Variants in NIBAN1 observed in about 807,000 individuals in gnomAD.
The protein encoded by NIBAN1 is niban apoptosis regulator 1.
In NIBAN1, 81 loss-of-function variants were observed where a neutral mutation model predicts 75.1. The ratio of observed to expected loss-of-function variants is 1.08; its 90% CI spans 0.90 to 1.30. The LOEUF is 1.30. Ranked by LOEUF, NIBAN1 falls within the 50% of genes most tolerant of loss-of-function variation. The pLI is 0.00. For synonymous variants in NIBAN1, 436 were observed against 424.8 expected (o/e 1.03, Z -0.32); for missense variants, 1,133 against 1,128.1 (o/e 1.00, Z -0.06).
chr1:184,862,207 C>A (rs530244003), intron 5 of NIBAN1, among the ~76,000 whole-genome samples: 1 of 152,318 alleles, frequency 6.6e-6, no homozygotes, highest in South Asian at 2.1e-4. Flanking sequence ...CGGTTAACAG[C>A]AGCCACTGTC....
At chr1:184,822,348 T>C (rs1311610008) in intron 8 of NIBAN1, among the ~76,000 whole-genome samples, 3 of 152,240 alleles carry the variant, frequency 2.0e-5, no homozygotes, top group African/African-American at 4.8e-5. Flanking sequence ...AACTGTTTTC[T>C]GTAAAGGACC....
Position 184,791,907 on chromosome 1 carries a change from AG to A in NIBAN1, c.*3069del, listed in dbSNP as rs1653706318. The A allele has an allele frequency of 1.3e-5, 2 of 152,284 alleles. No homozygotes were observed. Among genetic ancestry groups the A allele is most frequent in the African/African-American group, 4.8e-5 (2 of 41,564 alleles). The allele number at this position is 152,284 out of a possible 1,614,324, so 9.4% of individuals were successfully genotyped here. Reference sequence around the variant, plus strand: ...AGACAGAGTATTTTAAATGCACTCTAGTTTCCTGTTCCATCTTCAAATTAAA... The same window carrying A: ...AGACAGAGTATTTTAAATGCACTCTATTTCCTGTTCCATCTTCAAATTAAA... On this transcript the variant is annotated 3_prime_UTR_variant, in exon 14 of 14. Coordinates refer to ENST00000367511, the MANE Select transcript of NIBAN1 (RefSeq NM_052966.4).
intron 1 of NIBAN1, among the ~76,000 whole-genome samples, chr1:184,946,199 A>G (rs953576171): frequency 7.2e-5 from 11 of 152,248 alleles, no homozygotes; most frequent in African/African-American, 2.7e-4. Context: ...TTGCTGGAAT[A>G]ACAAAGTGAA....
intron 2 of NIBAN1, among the ~76,000 whole-genome samples, chr1:184,895,156 C>T (rs991354619): frequency 6.6e-6 from 1 of 152,004 alleles, no homozygotes; most frequent in Non-Finnish European, 1.5e-5. Flanking sequence ...TTCCAAATTC[C>T]AGTGCTTAAT....
Position 184,884,663 on chromosome 1 carries a change from G to T in NIBAN1, c.571C>A (p.Leu191Met), listed in dbSNP as rs1250145619. The change falls in exon 5 of 14, where the codon CTG becomes ATG. Residue 191 changes from leucine (L) to methionine (M), a missense_variant. Leu to Met is a conservative substitution (Grantham distance 15, BLOSUM62 2). Coordinates refer to ENST00000367511, the MANE Select transcript of NIBAN1 (RefSeq NM_052966.4). ...AADQKRFSAL[L>M]SDCVRHLNHD... ...TTGAGATGCCTGACGCAGTCACTCA[G>T]GAGGGCACTAAACCTCTTCTGGTCA... 4.3e-6 allele frequency: 7 copies of T among 1,614,166 alleles called. No individual in the cohort carries two copies. Among genetic ancestry groups the T allele is most frequent in the Non-Finnish European group, 3.4e-6 (4 of 1,179,998 alleles).
chr1:184,832,928 A>G (rs603160), intron 5 of NIBAN1, among the ~76,000 whole-genome samples: 15,780 of 152,118 alleles, frequency 0.1, 1,034 homozygotes, highest in African/African-American at 0.19. Flanking sequence ...AGAAATCTTC[A>G]TGAGGAAATG....
Position 184,899,042 on chromosome 1 carries a change from G to A in NIBAN1, c.186+137C>T, listed in dbSNP as rs1656877120. 4 of 958,162 alleles carry A rather than the reference G, an allele frequency of 4.2e-6. No homozygotes were observed. In the East Asian group the frequency reaches 7.5e-5, roughly 18 times the overall value. 59.4% of individuals were successfully genotyped at this position (958,162 alleles called of 1,614,324 possible). A position where few individuals can be genotyped will look rare whatever the true frequency, so the allele number is the denominator to read the frequency against. ...ACATTCTAACTTCCAGGCAAATAGA[G>A]TTTTTTGAGCATGAAACGACTTCAG... On this transcript the variant is annotated intron_variant, in intron 2 of 13. Transcript: ENST00000367511.
chr1:184,821,293 C>T (rs1395845683), intron 8 of NIBAN1: 1 of 152,102 alleles, frequency 6.6e-6, no homozygotes, highest in Non-Finnish European at 1.5e-5. Flanking sequence ...ATTTAATACT[C>T]CCCAGGTTTT....
At chr1:184,830,885 A>G (rs1016157333) in intron 6 of NIBAN1, among the ~76,000 whole-genome samples, 1 of 151,966 alleles carries the variant, frequency 6.6e-6, no homozygotes, top group Non-Finnish European at 1.5e-5. Context: ...CTGTAGTCCC[A>G]GCTACTCGGG....
intron 1 of NIBAN1, among the ~76,000 whole-genome samples, chr1:184,913,762 A>G (rs1463204159): frequency 6.6e-6 from 1 of 152,224 alleles, no homozygotes; most frequent in Non-Finnish European, 1.5e-5. Context: ...GACTGCCTAG[A>G]CATAAGAGCA....
At chr1:184,916,102 A>C (rs1360195770) in intron 1 of NIBAN1, among the ~76,000 whole-genome samples, 1 of 152,242 alleles carries the variant, frequency 6.6e-6, no homozygotes, top group Non-Finnish European at 1.5e-5. Flanking sequence ...AAGTTCTCCA[A>C]ATAAAAGATA....
Position 184,794,563 on chromosome 1 carries a change from A to G in NIBAN1, c.*414T>C, listed in dbSNP as rs1256024483. ...TAGGCATAGTAGATAGTAAAGGTAG[A>G]CTTACAGTATACATTTGCATTCTCA... On this transcript the variant is annotated 3_prime_UTR_variant, in exon 14 of 14. Transcript: ENST00000367511. The G allele has an allele frequency of 3.3e-6, 1 of 306,572 alleles. No homozygotes were observed. Among genetic ancestry groups the G allele is most frequent in the Non-Finnish European group, 6.3e-6 (1 of 159,258 alleles). 19.0% of individuals were successfully genotyped at this position (306,572 alleles called of 1,614,324 possible). A position where few individuals can be genotyped will look rare whatever the true frequency, so the allele number is the denominator to read the frequency against.
intron 1 of NIBAN1, among the ~76,000 whole-genome samples, chr1:184,954,521 A>T (rs1571601912): frequency 6.6e-6 from 1 of 152,160 alleles, no homozygotes; most frequent in African/African-American, 2.4e-5. Flanking sequence ...TGGGTTAATG[A>T]GGGAGTCAAG....
rs112133105 is a variant in NIBAN1, at chr1:184,879,678, C to T, written c.601+4955G>A. 3.3e-3 allele frequency among the ~76,000 whole-genome samples: 502 copies of T among 152,230 alleles called. 3 individuals carry two copies. Among genetic ancestry groups the T allele is most frequent in the Admixed American group, 7.1e-3 (108 of 15,298 alleles). On this transcript the variant is annotated intron_variant, in intron 5 of 13. Coordinates refer to ENST00000367511, the MANE Select transcript of NIBAN1 (RefSeq NM_052966.4). ...GTTGTTCTAAATTTCAATTTAATTC[C>T]ACAACATTTATTGAACACCTAAAAC...
chr1:184,892,013 G>T (rs1393393398), intron 3 of NIBAN1, among the ~76,000 whole-genome samples: 2 of 152,208 alleles, frequency 1.3e-5, no homozygotes, highest in East Asian at 3.8e-4. Context: ...TGTACAAACT[G>T]CAAGCTGAGA....
chr1:184,872,924 G>C (rs1172153177), intron 5 of NIBAN1, among the ~76,000 whole-genome samples: 1 of 152,116 alleles, frequency 6.6e-6, no homozygotes, highest in Non-Finnish European at 1.5e-5. Flanking sequence ...ACACATTCTT[G>C]TGAAACTGCA....
chr1:184,926,901 G>A (rs896335769), intron 1 of NIBAN1, among the ~76,000 whole-genome samples: 8 of 151,792 alleles, frequency 5.3e-5, no homozygotes, highest in Admixed American at 2.6e-4. Flanking sequence ...CTTCAAGTTC[G>A]CTAATTCTTT....
At chr1:184,917,347 A>G (rs12728552) in intron 1 of NIBAN1, among the ~76,000 whole-genome samples, 58,719 of 139,104 alleles carry the variant, frequency 0.42, 13,034 homozygotes, top group South Asian at 0.57. Context: ...GACTACAGAC[A>G]CCCGCCACCA....
At chr1:184,916,720 T>C (rs1657394069) in intron 1 of NIBAN1, among the ~76,000 whole-genome samples, 1 of 152,300 alleles carries the variant, frequency 6.6e-6, no homozygotes, top group South Asian at 2.1e-4. Flanking sequence ...ATTTTTGTTA[T>C]TGAAGGAATG....
Sources: gnomAD v4.1 joint callset for allele counts (sites outside exome capture counted in the v4.1 genomes callset) on GRCh38, gnomAD v4.1.1 for gene constraint, MANE v1.5 for transcripts, NCBI Gene and HGNC (gene_info 2026-07-23, HGNC 2026-07-21) for gene names.